The following CAST variants were observed in gnomAD, a reference collection of about 807,000 sequenced individuals.
The protein encoded by CAST is calpastatin, also known as MIR583 host.
Under a neutral mutation model 119.6 loss-of-function variants are expected in CAST, and 76 were observed. That is an observed-to-expected ratio of 0.64 (90% CI 0.53 to 0.77). CAST has a LOEUF of 0.77. Ranked by LOEUF, CAST falls within the 30% of genes least tolerant of loss-of-function variation. The probability of loss-of-function intolerance (pLI) is 0.00; values close to 1 mark genes in which losing one functional copy is unlikely to be tolerated. For synonymous variants in CAST, 319 were observed against 331.6 expected (o/e 0.96, Z 0.41); for missense variants, 953 against 946.5 (o/e 1.01, Z -0.09).
At chr5:96,641,321 A>G (rs1747947154) in intron 1 of CAST, among the ~76,000 whole-genome samples, 1 of 152,208 alleles carries the variant, frequency 6.6e-6, no homozygotes, top group African/African-American at 2.4e-5. Flanking sequence ...AAGAAGGTAT[A>G]AAATACCCTC....
chr5:96,392,656 A>G, the CAST span: 3 of 234,672 alleles, frequency 1.3e-5, no homozygotes, highest in African/African-American at 6.8e-5. Context: ...ATTAATTGAT[A>G]TCCCAGGTTT....
chr5:96,696,277 G>A (rs1406822281), intron 3 of CAST: 1 of 155,398 alleles, frequency 6.4e-6, no homozygotes, highest in African/African-American at 2.4e-5. Flanking sequence ...CAGGCGTGCT[G>A]CTAGTGCTTT....
chr5:96,600,691 C>G (rs2150193908), intron 1 of CAST, among the ~76,000 whole-genome samples: 2 of 152,240 alleles, frequency 1.3e-5, no homozygotes, highest in East Asian at 1.9e-4. Context: ...TTCTGCATAT[C>G]CTAATCCTCT....
chr5:96,719,378 C>A (rs1757797012), intron 3 of CAST, among the ~76,000 whole-genome samples: 1 of 152,254 alleles, frequency 6.6e-6, no homozygotes, highest in South Asian at 2.1e-4. Context: ...CCAGGCTGGT[C>A]TCCAACTTCT....
chr5:96,239,332 A>C, the CAST span, among the ~76,000 whole-genome samples: 1 of 152,048 alleles, frequency 6.6e-6, no homozygotes. Flanking sequence ...TCATGTTGTA[A>C]ATTGCCTGTG....
chr5:96,491,527 T>TAAAAAAAAAAAAAAAAAAAAAAA, the CAST span, among the ~76,000 whole-genome samples: 2 of 106,094 alleles, frequency 1.9e-5, no homozygotes, highest in Admixed American at 1.0e-4. Context: ...AAAAAAAAAT[T>TAAAAAAAAAAAAAAAAAAAAAAA]AAAAAGACCA....
chr5:96,496,402 A>G, the CAST span, among the ~76,000 whole-genome samples: 123 of 152,306 alleles, frequency 8.1e-4, no homozygotes, highest in African/African-American at 2.8e-3. Context: ...CTCGGCTTCT[A>G]ATTTTCTTGA....
At chr5:96,426,611 A>G in the CAST span, among the ~76,000 whole-genome samples, 1 of 152,198 alleles carries the variant, frequency 6.6e-6, no homozygotes, top group Non-Finnish European at 1.5e-5. Flanking sequence ...ACAGCATAAT[A>G]CTATTATACT....
chr5:96,348,342 A>G, the CAST span, among the ~76,000 whole-genome samples: 728 of 152,194 alleles, frequency 4.8e-3, 5 homozygotes, highest in African/African-American at 0.016. Context: ...TTGGAGAGAC[A>G]TGAATAATGC....
chr5:96,595,581 G>A (rs1197080027), intron 1 of CAST, among the ~76,000 whole-genome samples: 1 of 152,170 alleles, frequency 6.6e-6, no homozygotes, highest in Non-Finnish European at 1.5e-5. Context: ...GCCAAGGGTG[G>A]GATGGGGAGC....
At chr5:96,636,636 A>G (rs537876881) in intron 1 of CAST, among the ~76,000 whole-genome samples, 154 of 152,370 alleles carry the variant, frequency 1.0e-3, no homozygotes, top group Non-Finnish European at 1.6e-3. Context: ...AATAATAAAA[A>G]GAAAACAAAA....
chr5:96,528,026 T>C (rs1016316769), upstream of CAST, among the ~76,000 whole-genome samples: 2 of 152,244 alleles, frequency 1.3e-5, no homozygotes, highest in African/African-American at 4.8e-5. Flanking sequence ...TTAGTATTCA[T>C]TGTATGTTGC....
the CAST span, among the ~76,000 whole-genome samples, chr5:96,110,380 A>G: frequency 6.6e-6 from 1 of 152,226 alleles, no homozygotes; most frequent in African/African-American, 2.4e-5. Context: ...ATCCTCTGAT[A>G]AAGTAAGATC....
chr5:96,412,752 GTTTTT>G, the CAST span, among the ~76,000 whole-genome samples: 11 of 71,806 alleles, frequency 1.5e-4, no homozygotes, highest in African/African-American at 6.3e-4. Context: ...CAGCTGTGAT[GTTTTT>G]TTTTTTTTTT....
the CAST span, among the ~76,000 whole-genome samples, chr5:96,264,332 G>A: frequency 7.9e-5 from 12 of 152,236 alleles, no homozygotes; most frequent in Middle Eastern, 3.4e-3. Flanking sequence ...AAGTCTACTC[G>A]TATTCTTTAT....
At chr5:96,604,453 G>A (rs1747215214) in intron 1 of CAST, among the ~76,000 whole-genome samples, 1 of 152,194 alleles carries the variant, frequency 6.6e-6, no homozygotes, top group South Asian at 2.1e-4. Flanking sequence ...TAAACAATAT[G>A]GCAGAGGTAT....
the CAST span, chr5:96,432,290 C>T: frequency 2.3e-5 from 15 of 651,788 alleles, no homozygotes; most frequent in Non-Finnish European, 3.7e-5. Context: ...GGCTACTCCG[C>T]GGCCTCCCAA....
At chr5:96,030,364 A>C in the CAST span, among the ~76,000 whole-genome samples, 2 of 152,208 alleles carry the variant, frequency 1.3e-5, no homozygotes. Context: ...CTCTAGCACC[A>C]ATCCTACAAA....
In CAST at chr5:96,552,112, T is replaced by C. The variant is rs144031066; in HGVS notation, c.60+22232T>C. Among the ~76,000 whole-genome samples, 793 of 152,220 alleles carry C rather than the reference T, an allele frequency of 5.2e-3. 13 individuals carry two copies. The highest frequency in any genetic ancestry group is 0.018 in the African/African-American group (756 of 41,520). ...CTCTCCACCCCAAATCAACAGAATA[T>C]ACTTTCTTCTCAGCACCACATCGCA... On this transcript the variant is annotated intron_variant, in intron 1 of 11. Transcript: ENST00000505143.
Sources: gnomAD v4.1 joint callset for allele counts (sites outside exome capture counted in the v4.1 genomes callset) on GRCh38, gnomAD v4.1.1 for gene constraint, MANE v1.5 for transcripts, NCBI Gene and HGNC (gene_info 2026-07-23, HGNC 2026-07-21) for gene names.